Variants in PHLPP1 observed in about 807,000 individuals in gnomAD.
PHLPP1 encodes PH domain leucine-rich repeat-containing protein phosphatase 1.
In PHLPP1, 42 loss-of-function variants were observed where a neutral mutation model predicts 117.2. That is an observed-to-expected ratio of 0.36 (90% CI 0.28 to 0.46). The LOEUF is 0.46. Ranked by LOEUF, PHLPP1 falls within the 20% of genes least tolerant of loss-of-function variation. The pLI is 1.00. For missense variants in PHLPP1, 2,084 were observed against 2,241.9 expected, an observed-to-expected ratio of 0.93 and a Z score of 1.42; for synonymous variants, 1,042 against 970.7, an observed-to-expected ratio of 1.07 and a Z score of -1.37.
intron 12 of PHLPP1, among the ~76,000 whole-genome samples, chr18:62,946,343 C>A (rs1168452135): frequency 2.0e-5 from 3 of 152,086 alleles, no homozygotes; most frequent in Non-Finnish European, 4.4e-5. Flanking sequence ...CTCACTGCAA[C>A]CTCTCTCTGT....
At chr18:62,865,650 A>T (rs1915753069) in intron 4 of PHLPP1, among the ~76,000 whole-genome samples, 1 of 152,242 alleles carries the variant, frequency 6.6e-6, no homozygotes, top group South Asian at 2.1e-4. Flanking sequence ...CCCATCAATG[A>T]TAGGCTGGAT....
Position 62,848,361 on chromosome 18 carries a change from A to C in PHLPP1, c.1899+9452A>C, listed in dbSNP as rs150710194. Among the ~76,000 whole-genome samples, 7 of 152,188 alleles carry C rather than the reference A, an allele frequency of 4.6e-5. No individual in the cohort carries two copies. The South Asian group carries it at 8.3e-4, about 18-fold the overall frequency. Reference sequence around the variant, plus strand: ...CATAGTAATAACTAACATTTTGGCAACTTTTACCATTTGGCAAGCACTGTT... The same window carrying C: ...CATAGTAATAACTAACATTTTGGCACCTTTTACCATTTGGCAAGCACTGTT... On this transcript the variant is annotated intron_variant, in intron 3 of 16. Coordinates refer to ENST00000262719, the MANE Select transcript of PHLPP1 (RefSeq NM_194449.4).
At chr18:62,759,300 A>G (rs979100631) in intron 1 of PHLPP1, among the ~76,000 whole-genome samples, 8 of 152,174 alleles carry the variant, frequency 5.3e-5, no homozygotes, top group Non-Finnish European at 1.2e-4. Flanking sequence ...AAATGTAATC[A>G]TTTCCATAGC....
At position 62,715,579 on chromosome 18, in the gene PHLPP1, T is replaced by G. The variant is rs1450408599; in HGVS notation, c.-105T>G. 1.3e-5 allele frequency: 8 copies of G among 637,068 alleles called. No individual in the cohort carries two copies. Among genetic ancestry groups the G allele is most frequent in the African/African-American group, 1.9e-5 (1 of 52,844 alleles). 39.5% of individuals were successfully genotyped at this position (637,068 alleles called of 1,614,324 possible). A position where few individuals can be genotyped will look rare whatever the true frequency, so the allele number is the denominator to read the frequency against. ...AACGGCCGCGCACAACGCCATTGGC[T>G]TCTCCCTTCTCCGCGCGCCGCCGCC... On this transcript the variant is annotated 5_prime_UTR_variant, in exon 1 of 17. Coordinates refer to ENST00000262719, the MANE Select transcript of PHLPP1 (RefSeq NM_194449.4).
intron 4 of PHLPP1, among the ~76,000 whole-genome samples, chr18:62,863,749 T>G (rs1235497796): frequency 1.3e-5 from 2 of 152,076 alleles, no homozygotes; most frequent in Non-Finnish European, 2.9e-5. Context: ...CAACTTTTCA[T>G]CACCATTTTG....
chr18:62,837,124 A>C (rs1914927196), intron 2 of PHLPP1, among the ~76,000 whole-genome samples: 1 of 152,132 alleles, frequency 6.6e-6, no homozygotes, highest in African/African-American at 2.4e-5. Flanking sequence ...CTATAGGACT[A>C]CAAGGTGTGC....
At chr18:62,874,044 C>A (rs577203187) in intron 4 of PHLPP1, among the ~76,000 whole-genome samples, 123 of 151,100 alleles carry the variant, frequency 8.1e-4, no homozygotes, top group African/African-American at 2.9e-3. Context: ...TTAGCTGGGC[C>A]GTGGTGGTGC....
Position 62,716,729 on chromosome 18 carries a change from G to C in PHLPP1, c.1046G>C (p.Ser349Thr). 6.6e-7 allele frequency: 1 copy of C among 1,508,988 alleles called. No homozygotes were observed. Among genetic ancestry groups the C allele is most frequent in the Non-Finnish European group, 8.8e-7 (1 of 1,134,066 alleles). The allele number at this position is 1,508,988 out of a possible 1,614,324, so 93.5% of individuals were successfully genotyped here. ...APRPVVSDTE[S>T]FSLSPSAESV... is the part of the protein sequence containing the mutation. The stretch of plus-strand genomic sequence containing the variant: ...CGGCCTGTGGTCTCCGACACCGAGA[G>C]CTTCAGTCTGAGTCCCAGCGCCGAG... Residue 349 changes from serine (S) to threonine (T), a missense_variant, in exon 1 of 17, where the codon AGC becomes ACC. Ser to Thr is a moderately conservative substitution (Grantham distance 58). Coordinates refer to ENST00000262719, the MANE Select transcript of PHLPP1 (RefSeq NM_194449.4). The surrounding 1 kb of genome is among the most constrained non-coding windows in gnomAD (Gnocchi z 5.7).
chr18:62,961,796 C>T (rs1910778102), intron 13 of PHLPP1, among the ~76,000 whole-genome samples: 1 of 152,060 alleles, frequency 6.6e-6, no homozygotes, highest in South Asian at 2.1e-4. Flanking sequence ...TTTCTATTGA[C>T]ACTATGATTT....
chr18:62,786,410 C>T (rs1913286584), intron 1 of PHLPP1, among the ~76,000 whole-genome samples: 3 of 152,106 alleles, frequency 2.0e-5, no homozygotes, highest in African/African-American at 4.8e-5. Context: ...TGATCCTTAA[C>T]TATCATTATT....
intron 6 of PHLPP1, among the ~76,000 whole-genome samples, chr18:62,898,546 T>C (rs1360007126): frequency 6.6e-6 from 1 of 152,180 alleles, no homozygotes. Flanking sequence ...AGCCCTCATA[T>C]TTGGTTTCAG....
chr18:62,828,998 C>A (rs1205667490), intron 1 of PHLPP1, among the ~76,000 whole-genome samples: 1 of 152,144 alleles, frequency 6.6e-6, no homozygotes, highest in East Asian at 1.9e-4. Flanking sequence ...GTAGTTCTCC[C>A]ATTAAGTTGA....
At chr18:62,788,002 A>G (rs558850877) in intron 1 of PHLPP1, among the ~76,000 whole-genome samples, 28 of 152,332 alleles carry the variant, frequency 1.8e-4, no homozygotes, top group Non-Finnish European at 2.9e-4. Context: ...TTAGACCTCA[A>G]TGGCACTGTA....
At chr18:62,763,273 G>T (rs1254112213) in intron 1 of PHLPP1, among the ~76,000 whole-genome samples, 1 of 152,162 alleles carries the variant, frequency 6.6e-6, no homozygotes, top group African/African-American at 2.4e-5. Flanking sequence ...GCATAACTCT[G>T]CATGCTTCTG....
intron 8 of PHLPP1, among the ~76,000 whole-genome samples, chr18:62,913,739 C>CTTTTT (rs398033174): frequency 3.4e-4 from 34 of 100,704 alleles, no homozygotes; most frequent in Admixed American, 7.2e-4. Context: ...CTCTCTCTCT[C>CTTTTT]TTTTTTTTTT....
chr18:62,951,066 C>T (rs1910442254), intron 12 of PHLPP1, among the ~76,000 whole-genome samples: 1 of 150,666 alleles, frequency 6.6e-6, no homozygotes, highest in Admixed American at 6.6e-5. Flanking sequence ...ACCGCAAGTT[C>T]CGCCTCCCAG....
intron 1 of PHLPP1, among the ~76,000 whole-genome samples, chr18:62,785,909 TA>T (rs1469666153): frequency 6.6e-6 from 1 of 152,210 alleles, no homozygotes; most frequent in Non-Finnish European, 1.5e-5. Flanking sequence ...AACAAGTGCT[TA>T]ATCAATAACT....
At chr18:62,937,239 A>G (rs564088097) in intron 10 of PHLPP1, among the ~76,000 whole-genome samples, 4 of 152,272 alleles carry the variant, frequency 2.6e-5, no homozygotes, top group Non-Finnish European at 4.4e-5. Flanking sequence ...CAATTGCTCA[A>G]GAAGCAGGAA....
intron 8 of PHLPP1, among the ~76,000 whole-genome samples, chr18:62,912,303 AAAAAAAAAAAATT>A (rs1322788459): frequency 2.5e-5 from 1 of 40,642 alleles, no homozygotes; most frequent in Non-Finnish European, 6.6e-5. Context: ...AGAGTATAAT[AAAAAAAAAAAATT>A]AAAAAAAAAA....
Sources: allele counts gnomAD v4.1 joint callset (sites outside exome capture counted in the v4.1 genomes callset), GRCh38; gene constraint gnomAD v4.1.1; non-coding constraint Gnocchi (gnomAD v3.1); transcripts MANE v1.5; gene names NCBI Gene and HGNC (gene_info 2026-07-23, HGNC 2026-07-21).